Variants in FANCB observed in about 807,000 individuals in gnomAD.
The protein encoded by FANCB is Fanconi anemia group B protein.
A neutral mutation model predicts 38.9 loss-of-function variants in FANCB; 5 were observed. The ratio of observed to expected loss-of-function variants is 0.13; its 90% confidence interval spans 0.07 to 0.27. FANCB has a LOEUF of 0.27. Ranked by LOEUF, FANCB falls within the 10% of genes least tolerant of loss-of-function variation. The pLI, the probability that FANCB is intolerant of heterozygous loss-of-function variation, is 1.00. For synonymous variants in FANCB, 236 were observed against 215.4 expected, an observed-to-expected ratio of 1.10 and a Z score of -0.84; for missense variants, 573 against 602.7, an observed-to-expected ratio of 0.95 and a Z score of 0.52.
At chrX:14,799,276 A>G in the FANCB span, among the ~76,000 whole-genome samples, 2 of 111,709 alleles carry the variant, frequency 1.8e-5, no homozygotes, top group Non-Finnish European at 3.8e-5. Flanking sequence ...AAATCTCCAC[A>G]CTTTCACTAT....
chrX:14,818,680 A>T, the FANCB span, among the ~76,000 whole-genome samples: 1 of 112,119 alleles, frequency 8.9e-6, no homozygotes, highest in Non-Finnish European at 1.9e-5. Flanking sequence ...TAAACCCATT[A>T]AAAAAGCAAA....
At chrX:14,720,670 TCTG>T in the FANCB span, among the ~76,000 whole-genome samples, 2 of 112,020 alleles carry the variant, frequency 1.8e-5, no homozygotes, top group East Asian at 5.6e-4. Context: ...GGACTCTTAT[TCTG>T]CTATTTGAAA....
the FANCB span, among the ~76,000 whole-genome samples, chrX:14,810,105 C>G: frequency 8.9e-6 from 1 of 112,054 alleles, no homozygotes; most frequent in African/African-American, 3.3e-5. Flanking sequence ...AGCTGAGGGT[C>G]CTGTCTGTTA....
chrX:14,834,985 C>A, downstream of FANCB: 1 of 628,721 alleles, frequency 1.6e-6, no homozygotes, highest in Non-Finnish European at 2.7e-6. Flanking sequence ...AAGTGCTGTC[C>A]ACTAATATGC....
chrX:14,854,493 C>A (rs2092415295), intron 5 of FANCB, among the ~76,000 whole-genome samples: 1 of 111,710 alleles, frequency 9.0e-6, no homozygotes, highest in Non-Finnish European at 1.9e-5. Flanking sequence ...GTACACCTCA[C>A]CTTCTCTTCC....
the FANCB span, among the ~76,000 whole-genome samples, chrX:14,724,626 C>CAAAAAAAAAAAAAAAAAAAAAAAA: frequency 4.0e-5 from 2 of 49,617 alleles, no homozygotes; most frequent in African/African-American, 1.7e-4. Context: ...AACTCTGTCT[C>CAAAAAAAAAAAAAAAAAAAAAAAA]AAAAAAAAAA....
chrX:14,755,780 T>C, the FANCB span, among the ~76,000 whole-genome samples: 1 of 110,713 alleles, frequency 9.0e-6, no homozygotes, highest in Non-Finnish European at 1.9e-5. Context: ...ATGACATTAT[T>C]CACAGAAATA....
chrX:14,717,423 C>T, the FANCB span, among the ~76,000 whole-genome samples: 1 of 110,052 alleles, frequency 9.1e-6, no homozygotes, highest in Non-Finnish European at 1.9e-5. Flanking sequence ...ACAGTTTTAC[C>T]TCTCATTGAT....
chrX:14,744,016 A>T, the FANCB span, among the ~76,000 whole-genome samples: 6 of 111,875 alleles, frequency 5.4e-5, no homozygotes, highest in African/African-American at 1.9e-4. Context: ...TTTCCAAGTA[A>T]GGTCACATTC....
At chrX:14,854,724 T>C (rs942630309) in intron 5 of FANCB, among the ~76,000 whole-genome samples, 6 of 111,500 alleles carry the variant, frequency 5.4e-5, no homozygotes, top group Non-Finnish European at 1.1e-4. Flanking sequence ...AATAACATTT[T>C]ACAGACTAAT....
chrX:14,756,854 G>T, the FANCB span, among the ~76,000 whole-genome samples: 1 of 112,245 alleles, frequency 8.9e-6, no homozygotes, highest in African/African-American at 3.2e-5. Flanking sequence ...ACGGTCTCAA[G>T]TAGTGACAAT....
the FANCB span, among the ~76,000 whole-genome samples, chrX:14,735,685 G>A: frequency 0.036 from 3,999 of 112,202 alleles, 142 homozygotes; most frequent in African/African-American, 0.11. Flanking sequence ...CTGCTGGGAG[G>A]TATCTCCCAG....
the FANCB span, among the ~76,000 whole-genome samples, chrX:14,794,828 T>C: frequency 8.9e-6 from 1 of 112,059 alleles, no homozygotes; most frequent in Non-Finnish European, 1.9e-5. Context: ...AAAAATCCAA[T>C]GTAGCTTGTT....
the FANCB span, among the ~76,000 whole-genome samples, chrX:14,788,407 C>T: frequency 9.0e-6 from 1 of 111,432 alleles, no homozygotes; most frequent in African/African-American, 3.3e-5. Flanking sequence ...GATACAACGA[C>T]GCTAGTTCTG....
chrX:14,799,036 C>T, the FANCB span, among the ~76,000 whole-genome samples: 1 of 111,629 alleles, frequency 9.0e-6, no homozygotes, highest in Non-Finnish European at 1.9e-5. Context: ...ACATACTAAA[C>T]CACATACCTG....
intron 1 of FANCB, among the ~76,000 whole-genome samples, chrX:14,871,590 A>C (rs1226938596): frequency 9.4e-6 from 1 of 106,676 alleles, no homozygotes; most frequent in African/African-American, 3.5e-5. Context: ...AACAAGAGTT[A>C]AAAGGAATGA....
the FANCB span, among the ~76,000 whole-genome samples, chrX:14,762,771 A>G: frequency 1.8e-5 from 2 of 112,411 alleles, no homozygotes; most frequent in Non-Finnish European, 3.8e-5. Flanking sequence ...CCTTTAGAAG[A>G]TCAAATCTTT....
chrX:14,822,933 T>G, the FANCB span, among the ~76,000 whole-genome samples: 1 of 111,242 alleles, frequency 9.0e-6, no homozygotes, highest in Non-Finnish European at 1.9e-5. Context: ...GGGAATCACA[T>G]TATATTTGGT....
At chrX:14,837,022 T>C (rs1249279356) in intron 10 of FANCB, among the ~76,000 whole-genome samples, 1 of 112,492 alleles carries the variant, frequency 8.9e-6, no homozygotes, top group Non-Finnish European at 1.9e-5. Flanking sequence ...ATGTGTTCAA[T>C]GAAACCTCTA....
Sources: allele counts gnomAD v4.1 joint callset (sites outside exome capture counted in the v4.1 genomes callset), GRCh38; gene constraint gnomAD v4.1.1; transcripts MANE v1.5; gene names NCBI Gene and HGNC (gene_info 2026-07-23, HGNC 2026-07-21).